NTRK3: variants seen among roughly 807,000 people sequenced by gnomAD.
NTRK3 encodes the protein NT-3 growth factor receptor.
Under a neutral mutation model 91.7 loss-of-function variants are expected in NTRK3, and 24 were observed. The ratio of observed to expected loss-of-function variants is 0.26; its 90% CI spans 0.19 to 0.37. The LOEUF is 0.37. Among genes scored for constraint, NTRK3 ranks in the 10% least tolerant of loss-of-function variants. The pLI is 1.00. For missense variants in NTRK3, 880 were observed against 1,068.9 expected (o/e 0.82, Z 2.46); for synonymous variants, 483 against 404.0 (o/e 1.20, Z -2.34).
At chr15:87,981,923 C>T (rs1567181987) in intron 14 of NTRK3, among the ~76,000 whole-genome samples, 2 of 152,184 alleles carry the variant, frequency 1.3e-5, no homozygotes, top group South Asian at 4.1e-4. Context: ...AGGGCATAAA[C>T]CATTGGAAAA....
At chr15:88,038,615 G>A (rs1567272455) in intron 13 of NTRK3, among the ~76,000 whole-genome samples, 1 of 152,182 alleles carries the variant, frequency 6.6e-6, no homozygotes, top group Non-Finnish European at 1.5e-5. Context: ...GATCATGAGG[G>A]AGGCTGTGCA....
In NTRK3 at chr15:88,219,589, G is replaced by C. The variant is rs1056218456; in HGVS notation, c.249-35290C>G. ...ACAGTCATTCTCCCTGGATGAAGTC[G>C]ACTAAACCCAAACTTCTACTAGCCC... is the stretch of plus-strand genomic sequence containing the variant. On this transcript the variant is annotated intron_variant, in intron 3 of 18. Coordinates refer to ENST00000394480, the Ensembl canonical transcript of NTRK3. 2.6e-5 allele frequency among the ~76,000 whole-genome samples: 4 copies of C among 152,240 alleles called. No individual in the cohort carries two copies. The South Asian group carries it at 8.3e-4, about 32-fold the overall frequency.
intron 3 of NTRK3, among the ~76,000 whole-genome samples, chr15:88,230,810 C>G (rs895839399): frequency 1.3e-5 from 2 of 151,472 alleles, no homozygotes; most frequent in African/African-American, 4.9e-5. Flanking sequence ...ACAAAACCAC[C>G]CTGTAAATAA....
intron 13 of NTRK3, among the ~76,000 whole-genome samples, chr15:88,076,365 A>T (rs2047545261): frequency 6.6e-6 from 1 of 152,068 alleles, no homozygotes; most frequent in Non-Finnish European, 1.5e-5. Context: ...AGGAGCCACA[A>T]TTCAAGATGA....
chr15:87,990,252 T>C (rs1324761738), intron 14 of NTRK3, among the ~76,000 whole-genome samples: 1 of 152,156 alleles, frequency 6.6e-6, no homozygotes, highest in Admixed American at 6.6e-5. Context: ...GTCAGCCACA[T>C]TATCTTTTCA....
At chr15:88,108,057 C>T (rs2050903477) in intron 13 of NTRK3, among the ~76,000 whole-genome samples, 1 of 152,174 alleles carries the variant, frequency 6.6e-6, no homozygotes, top group Admixed American at 6.5e-5. Flanking sequence ...GCAAAGACCC[C>T]AGTTGCTGGA....
rs1362008278 is a variant in NTRK3, at chr15:88,241,152, G to A, written c.248+14754C>T. Among the ~76,000 whole-genome samples, 2 of 152,178 alleles carry A rather than the reference G, an allele frequency of 1.3e-5. No homozygotes were observed. The highest frequency in any genetic ancestry group is 2.1e-4 in the South Asian group (1 of 4,830). ...AAGCTAATGCCATATAGGACACATC[G>A]TGGGGCTCCCGAGGGTGTCAGCTGG... On this transcript the variant is annotated intron_variant, in intron 3 of 18. Coordinates refer to ENST00000394480, the Ensembl canonical transcript of NTRK3. The surrounding 1 kb of genome is among the most constrained non-coding windows in gnomAD (Gnocchi z 4.3).
intron 13 of NTRK3, among the ~76,000 whole-genome samples, chr15:88,051,444 T>C (rs2080810826): frequency 6.6e-6 from 1 of 152,180 alleles, no homozygotes; most frequent in Admixed American, 6.5e-5. Flanking sequence ...GGGAAGGAAG[T>C]TGTTGTGACT....
At chr15:87,974,876 G>A (rs2073583918) in intron 14 of NTRK3, among the ~76,000 whole-genome samples, 2 of 152,192 alleles carry the variant, frequency 1.3e-5, no homozygotes, top group African/African-American at 2.4e-5. Context: ...TAGGAGTGGA[G>A]TGGGGTTGGA....
intron 6 of NTRK3, among the ~76,000 whole-genome samples, chr15:88,138,260 A>G (rs2042061302): frequency 6.6e-6 from 1 of 151,208 alleles, no homozygotes; most frequent in Non-Finnish European, 1.5e-5. Context: ...AAAACAAAAA[A>G]TTAGCCGGGC....
At chr15:87,901,435 G>A (rs1373885728) in intron 17 of NTRK3, among the ~76,000 whole-genome samples, 2 of 152,346 alleles carry the variant, frequency 1.3e-5, no homozygotes, top group Admixed American at 1.3e-4. Context: ...GTCCCCAAAA[G>A]GTCAAGCCAG....
intron 17 of NTRK3, among the ~76,000 whole-genome samples, chr15:87,891,459 T>C (rs2065854666): frequency 6.6e-6 from 1 of 152,228 alleles, no homozygotes; most frequent in Admixed American, 6.5e-5. Context: ...CAAGGTACAT[T>C]CAAGCAAAAT....
intron 13 of NTRK3, among the ~76,000 whole-genome samples, chr15:88,087,525 T>C (rs2048614512): frequency 6.6e-6 from 1 of 151,524 alleles, no homozygotes; most frequent in African/African-American, 2.4e-5. Context: ...AGGAAGAGAG[T>C]GTAGGCAGGA....
chr15:88,256,366 G>C, exon 2 of NTRK3: 1 of 636,172 alleles, frequency 1.6e-6, no homozygotes, highest in South Asian at 1.8e-5. Context: ...CGCCGCCGCC[G>C]GGTGGGAGCC....
At chr15:88,149,279 C>T (rs2043164101) in intron 5 of NTRK3, among the ~76,000 whole-genome samples, 1 of 152,192 alleles carries the variant, frequency 6.6e-6, no homozygotes, top group South Asian at 2.1e-4. Flanking sequence ...TGAGATGGCC[C>T]ATGACTGTGC....
At chr15:88,223,902 G>A (rs2050455942) in intron 3 of NTRK3, among the ~76,000 whole-genome samples, 1 of 152,180 alleles carries the variant, frequency 6.6e-6, no homozygotes, top group Admixed American at 6.5e-5. Context: ...ACCAGGCATG[G>A]GAGGTGTTAT....
At chr15:87,992,086 C>CA (rs937192649) in intron 14 of NTRK3, among the ~76,000 whole-genome samples, 3 of 152,010 alleles carry the variant, frequency 2.0e-5, no homozygotes, top group Non-Finnish European at 4.4e-5. Context: ...TAAGTTAATC[C>CA]ATTTTATGTA....
chr15:87,971,071 A>G (rs1301406475), intron 14 of NTRK3, among the ~76,000 whole-genome samples: 1 of 152,228 alleles, frequency 6.6e-6, no homozygotes, highest in Non-Finnish European at 1.5e-5. Flanking sequence ...GTAGCAAGAA[A>G]TGCCAAATTG....
At position 88,135,085 on chromosome 15, in the gene NTRK3, G is replaced by A. The variant is rs2041748465; in HGVS notation, c.1204+16C>T. ...AAAGAATCCATACACCTCCGATCCAGCTACGCTGCCCTCACCTGGAAAGGG... is the reference window on the plus strand; with the variant it reads ...AAAGAATCCATACACCTCCGATCCAACTACGCTGCCCTCACCTGGAAAGGG... On this transcript the variant is annotated intron_variant, in intron 10 of 18. Coordinates refer to ENST00000394480, the Ensembl canonical transcript of NTRK3. The A allele has an allele frequency of 6.2e-7, 1 of 1,614,172 alleles. No homozygotes were observed.
Sources: gnomAD v4.1 joint callset for allele counts (sites outside exome capture counted in the v4.1 genomes callset) on GRCh38, gnomAD v4.1.1 for gene constraint, Gnocchi (gnomAD v3.1) non-coding constraint, MANE v1.5 for transcripts, NCBI Gene and HGNC (gene_info 2026-07-23, HGNC 2026-07-21) for gene names.